NAV3: variants seen among roughly 807,000 people sequenced by gnomAD.
NAV3 encodes pore membrane and/or filament interacting like protein 1.
Under a neutral mutation model 244.7 loss-of-function variants are expected in NAV3, and 87 were observed. The observed-to-expected ratio is 0.36, with a 90% confidence interval of 0.30 to 0.42. NAV3 has a LOEUF of 0.42. Ranked by LOEUF, NAV3 falls within the 20% of genes least tolerant of loss-of-function variation. The pLI is 1.00. For missense variants in NAV3, 2,663 were observed against 2,893.3 expected (o/e 0.92, Z 1.83); for synonymous variants, 1,126 against 1,042.2 (o/e 1.08, Z -1.55).
intron 2 of NAV3, among the ~76,000 whole-genome samples, chr12:77,666,571 A>G (rs1400902584): frequency 6.6e-6 from 1 of 152,234 alleles, no homozygotes; most frequent in Non-Finnish European, 1.5e-5. Context: ...CAAAGATTGT[A>G]AAGCAATTGG....
chr12:78,202,266 A>T (rs1276166557), intron 38 of NAV3, among the ~76,000 whole-genome samples: 1 of 152,068 alleles, frequency 6.6e-6, no homozygotes, highest in Non-Finnish European at 1.5e-5. Context: ...AGAACTCATA[A>T]TTTTGAAGTT....
At chr12:78,004,688 C>G (rs147642273) in intron 7 of NAV3, among the ~76,000 whole-genome samples, 2 of 152,162 alleles carry the variant, frequency 1.3e-5, no homozygotes, top group East Asian at 3.9e-4. Flanking sequence ...GTGAGGAGTC[C>G]AGAGAGACTC....
intron 10 of NAV3, 126 bp downstream of exon 10, chr12:78,050,227 A>T: frequency 1.4e-6 from 1 of 709,330 alleles, no homozygotes; most frequent in Non-Finnish European, 2.4e-6. Flanking sequence ...CCCTTGTTTT[A>T]TATCAAATTG....
chr12:78,205,866 A>G (rs75592089), intron 39 of NAV3, among the ~76,000 whole-genome samples: 12,543 of 152,234 alleles, frequency 0.082, 666 homozygotes, highest in Non-Finnish European at 0.13. Flanking sequence ...ACCAGTACAG[A>G]AAGAAAAGAT....
At chr12:77,720,173 C>G (rs1876548401) in intron 2 of NAV3, among the ~76,000 whole-genome samples, 1 of 152,018 alleles carries the variant, frequency 6.6e-6, no homozygotes, top group Non-Finnish European at 1.5e-5. Flanking sequence ...CTCTCTCTCT[C>G]TCTCTCTTTA....
upstream of NAV3, among the ~76,000 whole-genome samples, chr12:77,826,798 C>T (rs185817000): frequency 1.8e-4 from 27 of 152,258 alleles, no homozygotes; most frequent in East Asian, 5.2e-3. Context: ...CTACGGTAGG[C>T]ATGAGAGAAC....
At chr12:78,133,499 A>G in intron 18 of NAV3, among the ~76,000 whole-genome samples, 1 of 151,630 alleles carries the variant, frequency 6.6e-6, no homozygotes, top group East Asian at 1.9e-4. Flanking sequence ...TCAGTAAGAT[A>G]CAGAATTATT....
intron 2 of NAV3, among the ~76,000 whole-genome samples, chr12:77,616,268 A>AT (rs1871139713): frequency 6.6e-6 from 1 of 151,978 alleles, no homozygotes; most frequent in Non-Finnish European, 1.5e-5. Context: ...TTAGCCAGGC[A>AT]TGGTGGTGGG....
intron 21 of NAV3, among the ~76,000 whole-genome samples, chr12:78,147,282 A>C (rs764574239): frequency 6.6e-5 from 10 of 152,120 alleles, no homozygotes; most frequent in Non-Finnish European, 1.3e-4. Flanking sequence ...GACATGACAA[A>C]GCTTCTAACA....
At chr12:77,717,603 G>A (rs1413552055) in intron 2 of NAV3, among the ~76,000 whole-genome samples, 1 of 151,864 alleles carries the variant, frequency 6.6e-6, no homozygotes, top group Non-Finnish European at 1.5e-5. Flanking sequence ...TAATTATTTT[G>A]AATAAATATC....
chr12:77,767,295 G>T (rs2135861806), intron 2 of NAV3, among the ~76,000 whole-genome samples: 1 of 152,318 alleles, frequency 6.6e-6, no homozygotes, highest in Non-Finnish European at 1.5e-5. Context: ...TGTGATGTAT[G>T]ATGGATTCCT....
At chr12:78,111,223 C>T (rs1040321237) in intron 12 of NAV3, among the ~76,000 whole-genome samples, 8 of 151,954 alleles carry the variant, frequency 5.3e-5, no homozygotes, top group South Asian at 2.1e-4. Flanking sequence ...GCACTATATA[C>T]GTGTAAAATT....
Position 78,177,151 on chromosome 12 carries a change from C to T in NAV3, c.5135C>T (p.Ser1712Phe). ...VNSRGSELRSSFKQAFGKKKS... is the reference protein window; with the variant it reads ...VNSRGSELRSFFKQAFGKKKS... ...CTGTCCTTGTTTCAGCTGAGAAGTT[C>T]TTTCAAACAAGCCTTTGGGAAGAAA... Residue 1712 changes from serine to phenylalanine, a missense_variant, in exon 27 of 40, where the codon TCT becomes TTT. This residue lies in a region of NAV3 where 193 missense variants were observed against 200.7 expected (regional missense o/e 0.96). Transcript: ENST00000397909. 6.2e-7 allele frequency: 1 copy of T among 1,613,384 alleles called. No homozygotes were observed. Among genetic ancestry groups the T allele is most frequent in the Non-Finnish European group, 8.5e-7 (1 of 1,179,550 alleles).
At chr12:77,649,569 C>T (rs1344038953) in intron 2 of NAV3, among the ~76,000 whole-genome samples, 1 of 151,784 alleles carries the variant, frequency 6.6e-6, no homozygotes, top group East Asian at 1.9e-4. Flanking sequence ...AAGAGTAAAT[C>T]AGAAATAGAA....
intron 22 of NAV3, among the ~76,000 whole-genome samples, chr12:78,155,064 G>A (rs993701233): frequency 4.3e-4 from 65 of 152,052 alleles, no homozygotes; most frequent in African/African-American, 1.4e-3. Context: ...AGGATATGCA[G>A]GTTTGTTACA....
rs747060237 is a variant in NAV3, at chr12:77,998,475, A to T, written c.879A>T (p.Lys293Asn). 1 of 1,601,528 alleles carries T rather than the reference A, an allele frequency of 6.2e-7. No homozygotes were observed. The highest frequency in any genetic ancestry group is 1.3e-5 in the African/African-American group (1 of 74,104). The change falls in exon 7 of 40, where the codon AAA becomes AAT. Residue 293 changes from lysine to asparagine, a missense_variant and splice_region_variant. This residue lies in a region of NAV3 where 1,521 missense variants were observed against 1,497.0 expected (regional missense o/e 1.02). Transcript: ENST00000397909. ...CAAATTATGCAAATGGAAACGAAAAAGGTAAGTGTTTGTTACATCATTATG... is the reference window on the plus strand; with the variant it reads ...CAAATTATGCAAATGGAAACGAAAATGGTAAGTGTTTGTTACATCATTATG... Reference protein sequence around the residue: ...KPPNYANGNEKDSSKGPQSSS... With the variant: ...KPPNYANGNENDSSKGPQSSS...
chr12:77,911,041 A>G (rs1053641404), intron 1 of NAV3, among the ~76,000 whole-genome samples: 1 of 152,088 alleles, frequency 6.6e-6, no homozygotes, highest in East Asian at 1.9e-4. Context: ...ACCGGCCAGG[A>G]TGGTACTCTA....
At chr12:77,740,501 C>G (rs558811723) in intron 2 of NAV3, among the ~76,000 whole-genome samples, 6 of 151,426 alleles carry the variant, frequency 4.0e-5, no homozygotes, top group Admixed American at 2.0e-4. Context: ...GCCAGTTACT[C>G]CAGTACAAGT....
intron 2 of NAV3, among the ~76,000 whole-genome samples, chr12:77,615,259 A>T (rs549546272): frequency 2.0e-5 from 3 of 152,136 alleles, no homozygotes; most frequent in East Asian, 1.9e-4. Flanking sequence ...TTATTTATTT[A>T]TTTTTTTGGG....
Sources: allele counts gnomAD v4.1 joint callset (sites outside exome capture counted in the v4.1 genomes callset), GRCh38; gene constraint gnomAD v4.1.1; regional missense constraint gnomAD v4.1.1; transcripts MANE v1.5; gene names NCBI Gene and HGNC (gene_info 2026-07-23, HGNC 2026-07-21).